Variants in PROX2 observed in about 807,000 individuals in gnomAD.
PROX2 encodes prospero homeobox protein 2.
Under a neutral mutation model 48.9 loss-of-function variants are expected in PROX2, and 46 were observed. The observed-to-expected ratio is 0.94, with a 90% CI of 0.74 to 1.20. The LOEUF (loss-of-function observed/expected upper bound fraction) is 1.20. Among genes scored for constraint, PROX2 ranks in the 50% most tolerant of loss-of-function variants. The pLI is 0.00. For missense variants in PROX2, 663 were observed against 719.4 expected (o/e 0.92, Z 0.90); for synonymous variants, 260 against 276.6 (o/e 0.94, Z 0.60).
Position 74,871,223 on chromosome 14 carries a change from A to G in PROX2, c.-295T>C, listed in dbSNP as rs1389395907. The G allele has an allele frequency of 6.6e-6, 1 of 152,132 alleles. No homozygotes were observed. The highest frequency in any genetic ancestry group is 1.5e-5 in the Non-Finnish European group (1 of 68,042). The allele number at this position is 152,132 out of a possible 1,614,324, so 9.4% of individuals were successfully genotyped here. On this transcript the variant is annotated 5_prime_UTR_variant, in exon 2 of 6. Transcript: ENST00000556489. ...CACTGCATTCCAGCCTGGGCAACAA[A>G]GTAAGACCCTGTCTCTAAAAACATA...
At position 74,863,083 on chromosome 14, in the gene PROX2, C is replaced by A; in HGVS notation, c.752G>T (p.Gly251Val). The change falls in exon 3 of 6, where the codon GGC (glycine) becomes GTC (valine). Residue 251 changes from glycine to valine, a missense_variant. Coordinates refer to ENST00000556489, the MANE Select transcript of PROX2 (RefSeq NM_001243007.2). ...GCTTCTGCCCAGCTGAGTCAGGTGG[C>A]CTGGTGGATCCAATAGTACCTTTTG... ...VLQKVLLDPP[G>V]HLTQLGRSFQ... 6.2e-7 allele frequency: 1 copy of A among 1,613,936 alleles called. No homozygotes were observed. Among genetic ancestry groups the A allele is most frequent in the Non-Finnish European group, 8.5e-7 (1 of 1,179,856 alleles).
chr14:74,863,227 G>A lies in PROX2; in HGVS notation c.608C>T (p.Ala203Val), dbSNP rs2091812614. The change falls in exon 3 of 6, where the codon GCA becomes GTA. Residue 203 changes from alanine (A) to valine (V), a missense_variant. Transcript: ENST00000556489. ...CTTCTCAGACTCTTGGTGTTTTTCT[G>A]CCCCAGAGAGGTCCTTGCTGGTACC... ...QQGTSKDLSG[A>V]EKHQESEKPS... 9 of 1,613,894 alleles carry A rather than the reference G, an allele frequency of 5.6e-6. No homozygotes were observed. In the East Asian group the frequency reaches 1.6e-4, roughly 28 times the overall value.
At position 74,853,618 on chromosome 14, in the gene PROX2, T is replaced by C. The variant is rs753649390; in HGVS notation, c.*1514A>G. 4 of 152,194 alleles carry C rather than the reference T, an allele frequency of 2.6e-5. No individual in the cohort carries two copies. Among genetic ancestry groups the C allele is most frequent in the Non-Finnish European group, 5.9e-5 (4 of 68,034 alleles). 9.4% of individuals were successfully genotyped at this position (152,194 alleles called of 1,614,324 possible). On this transcript the variant is annotated 3_prime_UTR_variant, in exon 6 of 6. Transcript: ENST00000556489. ...TTCTAGTAATAGTTTAGGGATTTTA[T>C]CTCATCTGCTCCAGCAACACCCCAC... is the stretch of plus-strand genomic sequence containing the variant.
chr14:74,857,801 T>C (rs1171944861), intron 4 of PROX2: 4 of 151,648 alleles, frequency 2.6e-5, no homozygotes, highest in African/African-American at 9.7e-5. Flanking sequence ...TCTCGCTTTG[T>C]CGCCCAGGCT....
At chr14:74,872,857 C>G (rs1338710763) in intron 1 of PROX2, among the ~76,000 whole-genome samples, 1 of 152,214 alleles carries the variant, frequency 6.6e-6, no homozygotes, top group Non-Finnish European at 1.5e-5. Flanking sequence ...AGGCCCAGGC[C>G]ACACAGCCCT....
chr14:74,857,165 G>C (rs2091750752), intron 4 of PROX2, 170 bp from the exon 5 acceptor site: 1 of 558,848 alleles, frequency 1.8e-6, no homozygotes, highest in Admixed American at 3.1e-5. Flanking sequence ...AGCCTATTTA[G>C]TTATACTCAG....
chr14:74,858,275 A>T lies in PROX2; in HGVS notation c.1413+132T>A, dbSNP rs1044330622. On this transcript the variant is annotated intron_variant, in intron 4 of 5. Transcript: ENST00000556489. ...GTAGAGTCTCAGCCCAGAACTGGAC[A>T]TTGCTTCCATCAGCAACACTAAGGG... The T allele has an allele frequency of 3.3e-6, 2 of 599,112 alleles. 1 individual carries two copies. Among genetic ancestry groups the T allele is most frequent in the African/African-American group, 3.7e-5 (2 of 54,288 alleles). 37.1% of individuals were successfully genotyped at this position (599,112 alleles called of 1,614,324 possible). A position where few individuals can be genotyped will look rare whatever the true frequency, so the allele number is the denominator to read the frequency against.
At position 74,862,743 on chromosome 14, in the gene PROX2, G is replaced by C. The variant is rs1490758491; in HGVS notation, c.1092C>G (p.Pro364=). ...GGTGCCTCTGGGAAGATGAGTCCTG[G>C]GGAGGACTGCTACTCCAATGGCCAT... ...YNNGHWSSSP[P]QDSSSQRHPS... is the part of the protein sequence containing the mutation. The change falls in exon 3 of 6, where the codon CCC becomes CCG. Residue 364 remains proline, a synonymous_variant. Transcript: ENST00000556489. The C allele has an allele frequency of 1.2e-6, 2 of 1,613,788 alleles. No homozygotes were observed. Among genetic ancestry groups the C allele is most frequent in the Non-Finnish European group, 8.5e-7 (1 of 1,179,816 alleles).
chr14:74,874,174 GA>G, intron 1 of PROX2: 1 of 487,508 alleles, frequency 2.1e-6, no homozygotes. Context: ...AGAACATGTT[GA>G]AAAGAAAGCT....
intron 3 of PROX2, among the ~76,000 whole-genome samples, chr14:74,861,679 C>T (rs987187065): frequency 2.6e-5 from 4 of 152,176 alleles, no homozygotes; most frequent in African/African-American, 9.7e-5. Flanking sequence ...CACTCCATTG[C>T]ACCTTGGAAG....
rs4026383 is a variant in PROX2, at chr14:74,868,313, TTATATATATATATATATATATATATA to T, written c.-175+2764_-175+2789del. Among the ~76,000 whole-genome samples the T allele has an allele frequency of 1.4e-3, 75 of 53,792 alleles. 2 individuals are homozygous for T. Among genetic ancestry groups the T allele is most frequent in the East Asian group, 2.4e-3 (3 of 1,236 alleles). 35.3% of individuals were successfully genotyped at this position (53,792 alleles called of 152,430 possible). Reference sequence around the variant, plus strand: ...CAGAGAAGTTTATAATTTCTCGTAATTATATATATATATATATATATATATATATATATATATATATATATATAAAC... The same window carrying T: ...CAGAGAAGTTTATAATTTCTCGTAATTATATATATATATATATATATAAAC... On this transcript the variant is annotated intron_variant, in intron 2 of 5. Transcript: ENST00000556489.
intron 1 of PROX2, chr14:74,873,653 C>T: frequency 2.8e-6 from 1 of 355,348 alleles, no homozygotes; most frequent in South Asian, 2.6e-5. Context: ...TGCCTTCAAA[C>T]CCTGAGAGTC....
Position 74,863,250 on chromosome 14 carries a change from AC to A in PROX2, c.584del (p.Gly195ValfsTer29). 1 of 1,613,740 alleles carries A rather than the reference AC, an allele frequency of 6.2e-7. No homozygotes were observed. Among genetic ancestry groups the A allele is most frequent in the African/African-American group, 1.3e-5 (1 of 75,018 alleles). ...PWVVDGDHQQ[G>X]TSKDLSGAEK... ...CTGCCCCAGAGAGGTCCTTGCTGGT[AC>A]CTTGCTGGTGGTCACCGTCCACAAC... On this transcript the variant is annotated frameshift_variant, in exon 3 of 6. Transcript: ENST00000556489. LOFTEE classifies it high-confidence loss of function.
At chr14:74,862,508 T>C (rs1423271600) in intron 3 of PROX2, 22 bp downstream of exon 3, 1 of 1,595,856 alleles carries the variant, frequency 6.3e-7, no homozygotes, top group Non-Finnish European at 8.5e-7. Context: ...CAATGAGAAC[T>C]TCAATTGCTA....
intron 3 of PROX2, among the ~76,000 whole-genome samples, chr14:74,861,630 C>T (rs1377150374): frequency 1.3e-5 from 2 of 152,188 alleles, no homozygotes; most frequent in Non-Finnish European, 1.5e-5. Context: ...TCATGGGGAG[C>T]CTCCTCTCCC....
At chr14:74,871,412 C>T (rs144966720) in intron 1 of PROX2, among the ~76,000 whole-genome samples, 175 bp from the exon 2 acceptor site, 7 of 152,174 alleles carry the variant, frequency 4.6e-5, no homozygotes, top group South Asian at 2.1e-4. Context: ...AAGATAACTG[C>T]GAAGGCACAT....
chr14:74,866,270 A>G (rs1883060489), intron 2 of PROX2, among the ~76,000 whole-genome samples: 1 of 152,154 alleles, frequency 6.6e-6, no homozygotes, highest in Admixed American at 6.5e-5. Context: ...AAAACAAAAA[A>G]CAAAAAACCA....
Position 74,855,275 on chromosome 14 carries a change from T to C in PROX2, c.1636A>G (p.Ser546Gly). 1 of 1,559,548 alleles carries C rather than the reference T, an allele frequency of 6.4e-7. No individual in the cohort carries two copies. The highest frequency in any genetic ancestry group is 1.2e-5 in the South Asian group (1 of 83,458). Residue 546 changes from serine (S) to glycine (G), a missense_variant, in exon 6 of 6, where the codon AGC (serine) becomes GGC (glycine). Ser to Gly is a moderately conservative substitution (Grantham distance 56). Coordinates refer to ENST00000556489, the MANE Select transcript of PROX2 (RefSeq NM_001243007.2). ...EVPDCFLEIASLTLQEFFRAV... is the reference protein window; with the variant it reads ...EVPDCFLEIAGLTLQEFFRAV... The stretch of plus-strand genomic sequence containing the variant: ...CTGAAGAACTCCTGTAACGTCAAGC[T>C]GGCAATTTCCAAGAAGCAATCTGGA...
chr14:74,866,039 G>A (rs1038054673), intron 2 of PROX2, among the ~76,000 whole-genome samples: 1 of 152,018 alleles, frequency 6.6e-6, no homozygotes, highest in Admixed American at 6.6e-5. Flanking sequence ...GGTGGATCAC[G>A]AGGTCAGGAG....
Sources: allele counts gnomAD v4.1 joint callset (sites outside exome capture counted in the v4.1 genomes callset), GRCh38; gene constraint gnomAD v4.1.1; transcripts MANE v1.5; gene names NCBI Gene and HGNC (gene_info 2026-07-23, HGNC 2026-07-21).